Variants in ZZZ3 observed in about 807,000 individuals in gnomAD.
ZZZ3 encodes ZZ-type zinc finger-containing protein 3.
Under a neutral mutation model 95.2 loss-of-function variants are expected in ZZZ3, and 22 were observed. That is an observed-to-expected ratio of 0.23 (90% CI 0.17 to 0.33). The LOEUF is 0.33. ZZZ3 is among the 10% of genes least tolerant of loss of function. The probability of loss-of-function intolerance (pLI) is 1.00; values close to 1 mark genes in which losing one functional copy is unlikely to be tolerated. For missense variants in ZZZ3, 885 were observed against 1,066.5 expected, an observed-to-expected ratio of 0.83 and a Z score of 2.37; for synonymous variants, 335 against 358.9, an observed-to-expected ratio of 0.93 and a Z score of 0.75.
At chr1:77,601,664 C>A (rs1664739358) in intron 5 of ZZZ3, among the ~76,000 whole-genome samples, 1 of 152,038 alleles carries the variant, frequency 6.6e-6, no homozygotes, top group Non-Finnish European at 1.5e-5. Context: ...GAAAGAGATC[C>A]CTTCATTTCC....
chr1:77,586,471 A>T (rs1289369470), intron 5 of ZZZ3, among the ~76,000 whole-genome samples: 2 of 152,216 alleles, frequency 1.3e-5, no homozygotes, highest in South Asian at 2.1e-4. Context: ...AGTCAATTAC[A>T]TTGGCAGCCG....
chr1:77,626,385 T>C (rs999139591), intron 5 of ZZZ3, among the ~76,000 whole-genome samples: 3 of 152,154 alleles, frequency 2.0e-5, no homozygotes, highest in Admixed American at 6.6e-5. Context: ...CTCACCATAA[T>C]GTAGAATCAG....
At chr1:77,622,303 T>C (rs1047720282) in intron 5 of ZZZ3, among the ~76,000 whole-genome samples, 12 of 147,392 alleles carry the variant, frequency 8.1e-5, no homozygotes, top group Non-Finnish European at 1.6e-4. Flanking sequence ...TGAGAACCTG[T>C]CTCAAAAGAA....
At chr1:77,602,931 T>C (rs1226014628) in intron 5 of ZZZ3, among the ~76,000 whole-genome samples, 3 of 151,946 alleles carry the variant, frequency 2.0e-5, no homozygotes. Context: ...ATGAACAGGG[T>C]ACTGCAATTT....
At chr1:77,569,458 C>T (rs1350161456) in intron 12 of ZZZ3, among the ~76,000 whole-genome samples, 2 of 152,204 alleles carry the variant, frequency 1.3e-5, no homozygotes, top group Non-Finnish European at 2.9e-5. Context: ...CCATCCCCCA[C>T]CTCCCAAATT....
chr1:77,632,723 G>C lies in ZZZ3; in HGVS notation c.632C>G (p.Ala211Gly). The C allele has an allele frequency of 6.2e-7, 1 of 1,614,180 alleles. No individual in the cohort carries two copies. ...AVNGVDDSDS[A>G]VINCDDCQPD... ...CTGACAGTCATCACAGTTTATAACA[G>C]CTGAATCACTGTCATCAACACCATT... The change falls in exon 5 of 15, where the codon GCT becomes GGT. Residue 211 changes from alanine (A) to glycine (G), a missense_variant. Ala to Gly is a moderately conservative substitution (Grantham distance 60). Transcript: ENST00000370801.
At chr1:77,636,445 G>T (rs1452155453) in intron 4 of ZZZ3, among the ~76,000 whole-genome samples, 1 of 151,938 alleles carries the variant, frequency 6.6e-6, no homozygotes, top group East Asian at 1.9e-4. Flanking sequence ...GGTCATGGTG[G>T]CTCAGGCCTG....
chr1:77,573,640 AAC>A (rs1459829799), intron 12 of ZZZ3, among the ~76,000 whole-genome samples: 6 of 152,232 alleles, frequency 3.9e-5, no homozygotes, highest in Admixed American at 3.9e-4. Flanking sequence ...TGCTGTTTAA[AAC>A]ACAGCAATGA....
intron 1 of ZZZ3, among the ~76,000 whole-genome samples, chr1:77,653,472 G>A (rs1182190296): frequency 6.6e-6 from 1 of 152,310 alleles, no homozygotes; most frequent in Admixed American, 6.5e-5. Flanking sequence ...TAAGAGAATC[G>A]GCCAGGCGCG....
intron 1 of ZZZ3, among the ~76,000 whole-genome samples, chr1:77,649,338 T>A (rs866472457): frequency 4.0e-5 from 6 of 151,680 alleles, no homozygotes; most frequent in Non-Finnish European, 7.4e-5. Context: ...AACAGTGAGG[T>A]ATATCTTTGA....
chr1:77,612,901 T>C (rs1207259820), intron 5 of ZZZ3, among the ~76,000 whole-genome samples: 1 of 151,988 alleles, frequency 6.6e-6, no homozygotes, highest in African/African-American at 2.4e-5. Context: ...AGTTAATAAA[T>C]TATATTAGAG....
At chr1:77,657,433 T>TA (rs969911983) in intron 1 of ZZZ3, among the ~76,000 whole-genome samples, 8 of 146,440 alleles carry the variant, frequency 5.5e-5, no homozygotes, top group East Asian at 3.9e-4. Flanking sequence ...AAACCACCTC[T>TA]AAAAAAAAAA....
At chr1:77,634,112 G>A (rs566015664) in intron 4 of ZZZ3, among the ~76,000 whole-genome samples, 1 of 152,236 alleles carries the variant, frequency 6.6e-6, no homozygotes, top group South Asian at 2.1e-4. Flanking sequence ...AGAGTTTGCA[G>A]TGAGCCGAGA....
rs985216317 is a variant in ZZZ3 at position 77,591,199 on chromosome 1, A to G, written c.1506-6544T>C. 6.2e-4 allele frequency among the ~76,000 whole-genome samples: 95 copies of G among 152,226 alleles called. 3 individuals carry two copies. The highest frequency in any genetic ancestry group is 1.5e-5 in the Non-Finnish European group (1 of 68,038). On this transcript the variant is annotated intron_variant, in intron 5 of 14. Transcript: ENST00000370801. ...GCAAAATTTTAAAAATTATTTAGTG[A>G]AATAAGAGCTGTATAATAAGATGCT...
At chr1:77,572,071 T>C (rs535580159) in intron 12 of ZZZ3, among the ~76,000 whole-genome samples, 3 of 152,300 alleles carry the variant, frequency 2.0e-5, no homozygotes, top group South Asian at 4.1e-4. Flanking sequence ...GTAAATAACA[T>C]GTAAGTAAGT....
intron 3 of ZZZ3, chr1:77,641,078 CTCT>C (rs1668737352): frequency 6.6e-6 from 1 of 152,574 alleles, no homozygotes; most frequent in Non-Finnish European, 1.5e-5. Context: ...TGAAAACCCA[CTCT>C]TCTTATAACA....
At chr1:77,639,192 T>C (rs1668556830) in intron 4 of ZZZ3, among the ~76,000 whole-genome samples, 1 of 151,784 alleles carries the variant, frequency 6.6e-6, no homozygotes, top group Admixed American at 6.6e-5. Flanking sequence ...GTCAAGGAAT[T>C]TCACAATGCC....
intron 1 of ZZZ3, among the ~76,000 whole-genome samples, chr1:77,677,502 A>T (rs1672371455): frequency 6.6e-6 from 1 of 152,242 alleles, no homozygotes; most frequent in African/African-American, 2.4e-5. Context: ...AAAATGTTAA[A>T]TGTTGATGAG....
At chr1:77,606,510 T>C (rs976392533) in intron 5 of ZZZ3, among the ~76,000 whole-genome samples, 1 of 151,774 alleles carries the variant, frequency 6.6e-6, no homozygotes, top group African/African-American at 2.4e-5. Flanking sequence ...AGCCAGGTAG[T>C]GGATATAGCG....
Sources: allele counts gnomAD v4.1 joint callset (sites outside exome capture counted in the v4.1 genomes callset), GRCh38; gene constraint gnomAD v4.1.1; transcripts MANE v1.5; gene names NCBI Gene and HGNC (gene_info 2026-07-23, HGNC 2026-07-21).